TRIM67: variants seen among roughly 807,000 people sequenced by gnomAD.
TRIM67 encodes tripartite motif-containing protein 67.
In TRIM67, 39 loss-of-function variants were observed where a neutral mutation model predicts 71.0. The observed-to-expected ratio is 0.55, with a 90% confidence interval of 0.43 to 0.72. TRIM67 has a LOEUF of 0.72. Among genes scored for constraint, TRIM67 ranks in the 30% least tolerant of loss-of-function variants. The pLI, the probability that TRIM67 is intolerant of heterozygous loss-of-function variation, is 0.00. For missense variants in TRIM67, 973 were observed against 1,079.2 expected (o/e 0.90, Z 1.38); for synonymous variants, 481 against 473.9 (o/e 1.01, Z -0.19).
intron 9 of TRIM67, 109 bp downstream of exon 9, chr1:231,214,086 C>G (rs1313210645): frequency 4.6e-6 from 6 of 1,294,716 alleles, no homozygotes; most frequent in Admixed American, 2.9e-5. Flanking sequence ...GACCACAGAG[C>G]CTTCCCAGAC....
chr1:231,194,089 A>AC, intron 1 of TRIM67, among the ~76,000 whole-genome samples: 1 of 152,172 alleles, frequency 6.6e-6, no homozygotes, highest in Non-Finnish European at 1.5e-5. Flanking sequence ...TAGCCTCCAG[A>AC]ACTCTGAGAA....
chr1:231,211,382 A>T (rs1311743513), intron 8 of TRIM67, among the ~76,000 whole-genome samples: 1 of 152,060 alleles, frequency 6.6e-6, no homozygotes, highest in African/African-American at 2.4e-5. Context: ...CGGGTAGGGT[A>T]AGCGCTATCT....
At chr1:231,202,520 T>C (rs1683582270) in intron 5 of TRIM67, among the ~76,000 whole-genome samples, 1 of 152,030 alleles carries the variant, frequency 6.6e-6, no homozygotes, top group African/African-American at 2.4e-5. Context: ...CATTATGAAA[T>C]CAGCAAATGC....
chr1:231,204,687 C>T (rs6700950), intron 6 of TRIM67, among the ~76,000 whole-genome samples: 26,897 of 152,136 alleles, frequency 0.18, 3,785 homozygotes, highest in African/African-American at 0.39. Flanking sequence ...TCTGGGCCTT[C>T]TCAGATCACC....
At chr1:231,179,429 G>A (rs1682841684) in intron 1 of TRIM67, among the ~76,000 whole-genome samples, 1 of 152,218 alleles carries the variant, frequency 6.6e-6, no homozygotes, top group Non-Finnish European at 1.5e-5. Context: ...GGTCCGGTTA[G>A]GGGTTAGGAT....
intron 1 of TRIM67, among the ~76,000 whole-genome samples, chr1:231,167,874 A>G (rs901969861): frequency 2.0e-5 from 3 of 152,212 alleles, no homozygotes; most frequent in Admixed American, 2.0e-4. Flanking sequence ...CTCTTCTATT[A>G]AAAGGGATAA....
In TRIM67 at chr1:231,197,452, T is replaced by C. The variant is rs1683396107; in HGVS notation, c.1126T>C (p.Leu376=). The C allele has an allele frequency of 6.2e-7, 1 of 1,613,830 alleles. No homozygotes were observed. The highest frequency in any genetic ancestry group is 1.1e-5 in the South Asian group (1 of 91,086). Residue 376 remains leucine (L), a synonymous_variant, in exon 2 of 10, where the codon TTG becomes CTG. Transcript: ENST00000366653. Reference sequence around the variant, plus strand: ...GTTTCTGGTTCAGCTAAAGAACATATTGCAGCAGATCCAGGTGAGCACAGC... The same window carrying C: ...GTTTCTGGTTCAGCTAAAGAACATACTGCAGCAGATCCAGGTGAGCACAGC... ...KEFLVQLKNI[L]QQIQENGLDY... is the part of the protein sequence containing the mutation.
chr1:231,204,427 AG>A (rs745361077), intron 6 of TRIM67, among the ~76,000 whole-genome samples: 17 of 152,172 alleles, frequency 1.1e-4, no homozygotes, highest in Middle Eastern at 3.2e-3. Context: ...ATACCTGGCA[AG>A]GTGCTGGGCA....
chr1:231,216,012 G>A lies in TRIM67; in HGVS notation c.*572G>A, dbSNP rs1316414392. The A allele has an allele frequency of 1.0e-6, 1 of 985,456 alleles. No homozygotes were observed. The highest frequency in any genetic ancestry group is 1.2e-6 in the Non-Finnish European group (1 of 830,072). The allele number at this position is 985,456 out of a possible 1,614,324, so 61.0% of individuals were successfully genotyped here. On this transcript the variant is annotated 3_prime_UTR_variant, in exon 10 of 10. Coordinates refer to ENST00000366653, the MANE Select transcript of TRIM67 (RefSeq NM_001004342.5). ...AGACCCAATGCAGGATTGATAGAAAGGGACATTAATCATTCATGCTTGACT... is the reference window on the plus strand; with the variant it reads ...AGACCCAATGCAGGATTGATAGAAAAGGACATTAATCATTCATGCTTGACT...
At chr1:231,176,286 G>A (rs1682746147) in intron 1 of TRIM67, among the ~76,000 whole-genome samples, 1 of 152,188 alleles carries the variant, frequency 6.6e-6, no homozygotes, top group Non-Finnish European at 1.5e-5. Context: ...TGATGTATAT[G>A]CGCCTGATAT....
intron 8 of TRIM67, among the ~76,000 whole-genome samples, chr1:231,212,838 C>A (rs1683910878): frequency 6.6e-6 from 1 of 152,180 alleles, no homozygotes; most frequent in Non-Finnish European, 1.5e-5. Flanking sequence ...AGATTCACTT[C>A]CACCGAGTGG....
chr1:231,186,232 G>A, intron 1 of TRIM67: 2 of 1,391,060 alleles, frequency 1.4e-6, no homozygotes, highest in Admixed American at 2.0e-5. Context: ...AGAGACAAGA[G>A]TACATTCTGG....
chr1:231,193,305 G>A (rs1476112343), intron 1 of TRIM67, among the ~76,000 whole-genome samples: 3 of 152,222 alleles, frequency 2.0e-5, no homozygotes, highest in African/African-American at 7.2e-5. Context: ...ACTGAGGACT[G>A]TATGATGAGT....
intron 1 of TRIM67, chr1:231,185,271 A>T: frequency 6.7e-7 from 1 of 1,497,970 alleles, no homozygotes; most frequent in Non-Finnish European, 9.0e-7. Flanking sequence ...CCCCTGGACC[A>T]GCTCTCCCTC....
chr1:231,216,173 T>C lies in TRIM67; in HGVS notation c.*733T>C. 1 of 953,836 alleles carries C rather than the reference T, an allele frequency of 1.0e-6. No individual in the cohort carries two copies. The allele number at this position is 953,836 out of a possible 1,614,324, so 59.1% of individuals were successfully genotyped here. A position where few individuals can be genotyped will look rare whatever the true frequency, so the allele number is the denominator to read the frequency against. ...CCTTCTCTTTCTCTCTTCTTCTCTC[T>C]CTCCTTCCTTCCCTCCTTTGCTCTC... On this transcript the variant is annotated 3_prime_UTR_variant, in exon 10 of 10. Transcript: ENST00000366653.
chr1:231,211,027 A>G (rs559733917), intron 8 of TRIM67, among the ~76,000 whole-genome samples: 1 of 130,472 alleles, frequency 7.7e-6, no homozygotes, highest in African/African-American at 2.8e-5. Context: ...TACCAAAAAA[A>G]AAAAATATAT....
chr1:231,185,046 T>C (rs896867554), intron 1 of TRIM67: 2 of 1,532,828 alleles, frequency 1.3e-6, no homozygotes, highest in African/African-American at 1.4e-5. Context: ...CCTAGGCTAG[T>C]GTGGAGCTGA....
rs1197274421 is a variant in TRIM67, at chr1:231,220,126, C to T, written c.*4686C>T. On this transcript the variant is annotated 3_prime_UTR_variant, in exon 10 of 10. Coordinates refer to ENST00000366653, the MANE Select transcript of TRIM67 (RefSeq NM_001004342.5). Reference sequence around the variant, plus strand: ...AAAAAGTGCAGTCTTTCATCTCTGGCATCTAAGCTAATGATTCCCATTCAG... The same window carrying T: ...AAAAAGTGCAGTCTTTCATCTCTGGTATCTAAGCTAATGATTCCCATTCAG... The T allele has an allele frequency of 2.2e-6, 1 of 448,836 alleles. No homozygotes were observed. Among genetic ancestry groups the T allele is most frequent in the East Asian group, 7.1e-5 (1 of 14,056 alleles). 27.8% of individuals were successfully genotyped at this position (448,836 alleles called of 1,614,324 possible). A position where few individuals can be genotyped will look rare whatever the true frequency, so the allele number is the denominator to read the frequency against.
In TRIM67 at chr1:231,220,238, T is replaced by A. The variant is rs1023533459; in HGVS notation, c.*4798T>A. 2 of 318,796 alleles carry A rather than the reference T, an allele frequency of 6.3e-6. No homozygotes were observed. Among genetic ancestry groups the A allele is most frequent in the African/African-American group, 4.4e-5 (2 of 45,948 alleles). 19.7% of individuals were successfully genotyped at this position (318,796 alleles called of 1,614,324 possible). A position where few individuals can be genotyped will look rare whatever the true frequency, so the allele number is the denominator to read the frequency against. Reference sequence around the variant, plus strand: ...CTTGTGACCAGGGCAAGGAGCTGCCTGGCCTCCAGTGGGTAAAATAGACCT... The same window carrying A: ...CTTGTGACCAGGGCAAGGAGCTGCCAGGCCTCCAGTGGGTAAAATAGACCT... On this transcript the variant is annotated 3_prime_UTR_variant, in exon 10 of 10. Transcript: ENST00000366653.
Sources: gnomAD v4.1 joint callset for allele counts (sites outside exome capture counted in the v4.1 genomes callset) on GRCh38, gnomAD v4.1.1 for gene constraint, MANE v1.5 for transcripts, NCBI Gene and HGNC (gene_info 2026-07-23, HGNC 2026-07-21) for gene names.